TGFBR3: variants seen among roughly 807,000 people sequenced by gnomAD.
TGFBR3 encodes the protein transforming growth factor beta receptor 3.
In TGFBR3, 46 loss-of-function variants were observed where a neutral mutation model predicts 87.9. The ratio of observed to expected loss-of-function variants is 0.52; its 90% CI spans 0.41 to 0.67. TGFBR3 has a LOEUF of 0.67. Among genes scored for constraint, TGFBR3 ranks in the 30% least tolerant of loss-of-function variants. The probability of loss-of-function intolerance (pLI) is 0.00; values close to 1 mark genes in which losing one functional copy is unlikely to be tolerated. For synonymous variants in TGFBR3, 381 were observed against 391.6 expected (o/e 0.97, Z 0.32); for missense variants, 866 against 1,041.9 (o/e 0.83, Z 2.32).
At chr1:91,691,340 C>T (rs1362735736) in intron 16 of TGFBR3, among the ~76,000 whole-genome samples, 2 of 152,136 alleles carry the variant, frequency 1.3e-5, no homozygotes, top group African/African-American at 4.8e-5. Flanking sequence ...ATACACCTAA[C>T]TCAAGAGATA....
At chr1:91,843,828 T>C (rs1027781474) in intron 2 of TGFBR3, among the ~76,000 whole-genome samples, 1 of 152,216 alleles carries the variant, frequency 6.6e-6, no homozygotes, top group Non-Finnish European at 1.5e-5. Flanking sequence ...CTCTTGACAC[T>C]GTGGTGGAGA....
At chr1:91,689,838 A>AT (rs1303093266) in intron 16 of TGFBR3, among the ~76,000 whole-genome samples, 15 of 105,828 alleles carry the variant, frequency 1.4e-4, no homozygotes, top group Middle Eastern at 4.0e-3. Flanking sequence ...TAAGAAACTG[A>AT]TTAAAAAAAA....
At chr1:91,883,382 T>C (rs1046861313) in intron 1 of TGFBR3, among the ~76,000 whole-genome samples, 2 of 152,320 alleles carry the variant, frequency 1.3e-5, no homozygotes, top group Non-Finnish European at 2.9e-5. Context: ...ATGGAGTTCT[T>C]GACATATATT....
chr1:91,797,474 G>T lies in TGFBR3; in HGVS notation c.62-3C>A. On this transcript the variant is annotated splice_polypyrimidine_tract_variant and splice_region_variant and intron_variant, in intron 2 of 16. Coordinates refer to ENST00000212355, the MANE Select transcript of TGFBR3 (RefSeq NM_003243.5). ...ACACAGTGCACCAGGCTCTGGACCTGCCAAGGGAATCACAAACACAAGCCA... is the reference window on the plus strand; with the variant it reads ...ACACAGTGCACCAGGCTCTGGACCTTCCAAGGGAATCACAAACACAAGCCA... The T allele has an allele frequency of 6.2e-7, 1 of 1,614,190 alleles. No individual in the cohort carries two copies. The highest frequency in any genetic ancestry group is 8.5e-7 in the Non-Finnish European group (1 of 1,180,024).
chr1:91,867,076 A>G (rs555964730), intron 1 of TGFBR3, among the ~76,000 whole-genome samples: 8 of 152,300 alleles, frequency 5.3e-5, no homozygotes, highest in Admixed American at 1.3e-4. Context: ...TAACAGACAA[A>G]ACTTAGCTAC....
chr1:91,803,304 C>T (rs767571183), intron 2 of TGFBR3, among the ~76,000 whole-genome samples: 19 of 152,198 alleles, frequency 1.2e-4, no homozygotes, highest in Admixed American at 5.2e-4. Context: ...CCACCCAGAA[C>T]GAAAGCTATG....
chr1:91,701,475 T>C (rs1671618594), intron 14 of TGFBR3, among the ~76,000 whole-genome samples: 1 of 152,178 alleles, frequency 6.6e-6, no homozygotes, highest in African/African-American at 2.4e-5. Flanking sequence ...GAAAGGAATC[T>C]TAGCTATTGC....
At chr1:91,767,887 GA>G (rs56335404) in intron 3 of TGFBR3, among the ~76,000 whole-genome samples, 77,823 of 140,398 alleles carry the variant, frequency 0.55, 20,977 homozygotes, top group Middle Eastern at 0.61. Flanking sequence ...TTGGATCACA[GA>G]AAAAAAAAAA....
chr1:91,717,910 T>C (rs1321755032), intron 10 of TGFBR3, among the ~76,000 whole-genome samples: 3 of 151,974 alleles, frequency 2.0e-5, no homozygotes. Flanking sequence ...ACAGACATAT[T>C]ACTGTAGCCA....
intron 16 of TGFBR3, among the ~76,000 whole-genome samples, chr1:91,694,309 T>G (rs1671359459): frequency 6.6e-6 from 1 of 152,244 alleles, no homozygotes; most frequent in South Asian, 2.1e-4. Context: ...CATACTTTAC[T>G]CAAAGTATCC....
In TGFBR3 at chr1:91,716,314, C is replaced by T. The variant is rs1672170016; in HGVS notation, c.1788G>A (p.Glu596=). 6.2e-7 allele frequency: 1 copy of T among 1,614,144 alleles called. No homozygotes were observed. Among genetic ancestry groups the T allele is most frequent in the East Asian group, 2.2e-5 (1 of 44,864 alleles). The part of the protein sequence containing the change: ...QPHGNITFNM[E]LYNTDLFLVP... ...CCAAAAAGAGGTCAGTGTTGTATAG[C>T]TCCATGTTGAAGGTGATGTTTCCGT... Residue 596 remains glutamate (E), a synonymous_variant, in exon 12 of 17, where the codon GAG becomes GAA. Coordinates refer to ENST00000212355, the MANE Select transcript of TGFBR3 (RefSeq NM_003243.5).
At chr1:91,788,888 T>C (rs1051233755) in intron 3 of TGFBR3, among the ~76,000 whole-genome samples, 5 of 152,238 alleles carry the variant, frequency 3.3e-5, no homozygotes, top group African/African-American at 1.2e-4. Context: ...TATAATTCTT[T>C]TTTTAAAGCC....
chr1:91,874,182 G>A (rs1678695818), intron 1 of TGFBR3, among the ~76,000 whole-genome samples: 1 of 152,174 alleles, frequency 6.6e-6, no homozygotes, highest in Non-Finnish European at 1.5e-5. Context: ...AGAAAAGGGA[G>A]AGACAAAGTA....
intron 3 of TGFBR3, among the ~76,000 whole-genome samples, chr1:91,775,712 C>T (rs908576388): frequency 1.3e-5 from 2 of 152,206 alleles, no homozygotes; most frequent in African/African-American, 4.8e-5. Flanking sequence ...CAAAAATAAC[C>T]AACTTTCAAC....
chr1:91,756,110 G>A (rs966657456), intron 4 of TGFBR3, among the ~76,000 whole-genome samples: 2 of 151,552 alleles, frequency 1.3e-5, no homozygotes, highest in Non-Finnish European at 2.9e-5. Flanking sequence ...GACATGCACT[G>A]CCTTTGCTCA....
chr1:91,784,246 A>G (rs922791750), intron 3 of TGFBR3, among the ~76,000 whole-genome samples: 8 of 152,206 alleles, frequency 5.3e-5, no homozygotes, highest in African/African-American at 1.7e-4. Context: ...CTTAGCTCCA[A>G]TGTTGAGGGG....
At chr1:91,731,452 C>G (rs55701732) in intron 5 of TGFBR3, among the ~76,000 whole-genome samples, 6 of 152,194 alleles carry the variant, frequency 3.9e-5, no homozygotes, top group Non-Finnish European at 7.3e-5. Flanking sequence ...TCCCCTCCCC[C>G]TCAGAGAGAA....
At chr1:91,868,074 C>T (rs1199770596) in intron 1 of TGFBR3, among the ~76,000 whole-genome samples, 4 of 152,158 alleles carry the variant, frequency 2.6e-5, no homozygotes, top group South Asian at 2.1e-4. Flanking sequence ...TGTGCCACCA[C>T]GCCTGGCTAA....
intron 2 of TGFBR3, among the ~76,000 whole-genome samples, chr1:91,832,610 T>C (rs949601281): frequency 1.3e-5 from 2 of 152,198 alleles, no homozygotes; most frequent in Admixed American, 1.3e-4. Flanking sequence ...AATCAAGTGA[T>C]TAAGCCAAAC....
Sources: gnomAD v4.1 joint callset for allele counts (sites outside exome capture counted in the v4.1 genomes callset) on GRCh38, gnomAD v4.1.1 for gene constraint, MANE v1.5 for transcripts, NCBI Gene and HGNC (gene_info 2026-07-23, HGNC 2026-07-21) for gene names.